Variants in SMIM35 observed in about 807,000 individuals in gnomAD.
SMIM35 encodes the protein small integral membrane protein 35, also known as TMPRSS4 antisense RNA 1 (non-protein coding).
rs558518454 is a variant in SMIM35, at chr11:118,015,723, T to C, written c.94A>G (p.Lys32Glu). ...CAGCAGTACCCGCGCTGGTACCACT[T>C]GGCCAGGCTGTAGCCGAGGATGGAC... Reference protein sequence around the residue: ...LVSILGYSLAKWYQRGYCWEG... With the variant: ...LVSILGYSLAEWYQRGYCWEG... Residue 32 changes from lysine (K) to glutamate (E), a missense_variant, in exon 2 of 5, where the codon AAG becomes GAG. Physicochemically the swap from Lys to Glu is moderately conservative, Grantham distance 56. Transcript: ENST00000689828. 1.5e-5 allele frequency: 6 copies of C among 399,400 alleles called. No homozygotes were observed. In the South Asian group the frequency reaches 6.4e-4, roughly 42 times the overall value. 24.7% of individuals were successfully genotyped at this position (399,400 alleles called of 1,614,324 possible). A position where few individuals can be genotyped will look rare whatever the true frequency, so the allele number is the denominator to read the frequency against.
At chr11:118,086,464 T>C (rs1945563867) in intron 1 of SMIM35, among the ~76,000 whole-genome samples, 1 of 152,264 alleles carries the variant, frequency 6.6e-6, no homozygotes, top group African/African-American at 2.4e-5. Context: ...GAAAAAGTGC[T>C]GCTCTAATAA....
At chr11:118,015,202 C>T (rs1347033931) in intron 2 of SMIM35, among the ~76,000 whole-genome samples, 1 of 152,246 alleles carries the variant, frequency 6.6e-6, no homozygotes, top group Non-Finnish European at 1.5e-5. Flanking sequence ...CCAGCACACC[C>T]TTCCAGTTTT....
chr11:118,049,090 T>C (rs1022194515), intron 1 of SMIM35, among the ~76,000 whole-genome samples: 1 of 152,154 alleles, frequency 6.6e-6, no homozygotes, highest in Admixed American at 6.5e-5. Flanking sequence ...GCGTGAGCTT[T>C]AGCAGCAACG....
chr11:118,011,207 C>T (rs901935355), intron 4 of SMIM35, among the ~76,000 whole-genome samples: 1 of 152,196 alleles, frequency 6.6e-6, no homozygotes, highest in African/African-American at 2.4e-5. Context: ...GCTCCCAGCC[C>T]CGGGCAGCTG....
intron 1 of SMIM35, among the ~76,000 whole-genome samples, chr11:118,055,270 C>T (rs371830949): frequency 6.6e-6 from 1 of 152,114 alleles, no homozygotes; most frequent in Non-Finnish European, 1.5e-5. Context: ...GAGTGGATCC[C>T]TCAAATTCCA....
intron 4 of SMIM35, among the ~76,000 whole-genome samples, chr11:118,012,637 T>C (rs997583620): frequency 6.6e-6 from 1 of 152,080 alleles, no homozygotes; most frequent in East Asian, 1.9e-4. Flanking sequence ...GAGTTGGCCA[T>C]GTTTGGGAGG....
At chr11:118,034,956 A>ATTTTT (rs377179849) in intron 1 of SMIM35, among the ~76,000 whole-genome samples, 1 of 141,900 alleles carries the variant, frequency 7.0e-6, no homozygotes, top group Non-Finnish European at 1.5e-5. Context: ...TTCCTTCTGA[A>ATTTTT]TTTTTTTTTT....
At chr11:118,043,802 CAAA>C (rs34311391) in intron 1 of SMIM35, among the ~76,000 whole-genome samples, 1 of 105,414 alleles carries the variant, frequency 9.5e-6, no homozygotes, top group Admixed American at 1.0e-4. Context: ...AACTCCATCT[CAAA>C]AAAAAAAAAG....
chr11:118,054,681 T>C (rs1944282608), intron 1 of SMIM35, among the ~76,000 whole-genome samples: 1 of 152,210 alleles, frequency 6.6e-6, no homozygotes, highest in Non-Finnish European at 1.5e-5. Flanking sequence ...TTTTATTGTG[T>C]AATGTACACT....
intron 4 of SMIM35, among the ~76,000 whole-genome samples, chr11:118,006,800 T>C (rs1175696871): frequency 6.6e-6 from 1 of 152,230 alleles, no homozygotes; most frequent in African/African-American, 2.4e-5. Context: ...AGTCATATCA[T>C]GCTGGATCCC....
intron 1 of SMIM35, among the ~76,000 whole-genome samples, chr11:118,056,634 A>G (rs1944314087): frequency 6.6e-6 from 1 of 152,134 alleles, no homozygotes; most frequent in South Asian, 2.1e-4. Flanking sequence ...GCAGAAGGGG[A>G]TGAAATCCCC....
intron 1 of SMIM35, among the ~76,000 whole-genome samples, chr11:118,017,015 C>A (rs1008908743): frequency 1.3e-5 from 2 of 152,084 alleles, no homozygotes; most frequent in African/African-American, 4.8e-5. Context: ...AATGTGACAG[C>A]CAAATGCAGA....
chr11:118,056,806 G>A (rs917520461), intron 1 of SMIM35, among the ~76,000 whole-genome samples: 38 of 152,314 alleles, frequency 2.5e-4, no homozygotes, highest in African/African-American at 8.2e-4. Context: ...GAAGGCAAGC[G>A]AGATCATTTA....
intron 1 of SMIM35, among the ~76,000 whole-genome samples, chr11:118,081,349 G>A (rs1325658578): frequency 2.0e-5 from 3 of 152,160 alleles, no homozygotes; most frequent in Admixed American, 6.5e-5. Context: ...GTGGGGCAGA[G>A]CCAATGTGGC....
chr11:118,021,416 G>A (rs1209919510), intron 1 of SMIM35, among the ~76,000 whole-genome samples: 1 of 151,408 alleles, frequency 6.6e-6, no homozygotes, highest in Non-Finnish European at 1.5e-5. Flanking sequence ...ATTTGTTATG[G>A]TGTTTTTCAT....
At chr11:118,042,809 C>A (rs1944027204) in intron 1 of SMIM35, among the ~76,000 whole-genome samples, 1 of 152,192 alleles carries the variant, frequency 6.6e-6, no homozygotes, top group Non-Finnish European at 1.5e-5. Flanking sequence ...TACATCATAA[C>A]CAAGCTGGAT....
chr11:118,013,289 G>A (rs746041054), intron 4 of SMIM35, among the ~76,000 whole-genome samples: 37 of 152,228 alleles, frequency 2.4e-4, no homozygotes, highest in Non-Finnish European at 4.3e-4. Context: ...ACTGAGATGT[G>A]GGGAAGGGAT....
chr11:118,063,448 T>A (rs919446238), intron 1 of SMIM35, among the ~76,000 whole-genome samples: 1 of 152,254 alleles, frequency 6.6e-6, no homozygotes, highest in African/African-American at 2.4e-5. Flanking sequence ...TCATGTTGAA[T>A]CTTTTTGCCT....
chr11:118,074,536 C>T (rs1359602336), intron 1 of SMIM35, among the ~76,000 whole-genome samples: 1 of 151,970 alleles, frequency 6.6e-6, no homozygotes, highest in African/African-American at 2.4e-5. Context: ...CGCTTGAGCT[C>T]AGGGGTTTGA....
Sources: allele counts gnomAD v4.1 joint callset (sites outside exome capture counted in the v4.1 genomes callset), GRCh38; gene constraint gnomAD v4.1.1; transcripts MANE v1.5; gene names NCBI Gene and HGNC (gene_info 2026-07-23, HGNC 2026-07-21).